ARHGAP6: variants seen among roughly 807,000 people sequenced by gnomAD.
ARHGAP6 encodes Rho GTPase activating protein 6, also known as rho GTPase-activating protein 6.
A neutral mutation model predicts 55.7 loss-of-function variants in ARHGAP6; 16 were observed. The ratio of observed to expected loss-of-function variants is 0.29; its 90% confidence interval spans 0.19 to 0.44. The LOEUF is 0.44. ARHGAP6 is among the 20% of genes least tolerant of loss of function. The pLI, the probability that ARHGAP6 is intolerant of heterozygous loss-of-function variation, is 1.00. For missense variants in ARHGAP6, 698 were observed against 808.9 expected, an observed-to-expected ratio of 0.86 and a Z score of 1.66; for synonymous variants, 382 against 360.9, an observed-to-expected ratio of 1.06 and a Z score of -0.66.
chrX:11,300,827 G>A (rs1334777303), intron 1 of ARHGAP6: 2 of 373,555 alleles, frequency 5.4e-6, no homozygotes, highest in Non-Finnish European at 9.5e-6. Flanking sequence ...TTATGAATGA[G>A]TATTCTTGAA....
intron 1 of ARHGAP6, among the ~76,000 whole-genome samples, chrX:11,548,006 G>A (rs764583757): frequency 3.6e-5 from 4 of 110,393 alleles, no homozygotes; most frequent in Non-Finnish European, 7.6e-5. Context: ...ACTCTGGGCT[G>A]CATGCTAGAG....
At chrX:11,431,030 C>A (rs1019792665) in intron 1 of ARHGAP6, among the ~76,000 whole-genome samples, 7 of 112,292 alleles carry the variant, frequency 6.2e-5, no homozygotes, top group Non-Finnish European at 1.3e-4. Flanking sequence ...ACATTTGATC[C>A]TTTGGGGTAA....
chrX:11,420,414 A>C (rs894284367), intron 1 of ARHGAP6, among the ~76,000 whole-genome samples: 1 of 111,904 alleles, frequency 8.9e-6, no homozygotes, highest in African/African-American at 3.2e-5. Context: ...TCAGTCCAAA[A>C]TGTGGCAAGC....
chrX:11,464,912 C>A (rs1404337263), intron 1 of ARHGAP6, among the ~76,000 whole-genome samples: 1 of 112,142 alleles, frequency 8.9e-6, no homozygotes, highest in Non-Finnish European at 1.9e-5. Context: ...CTATCCACGG[C>A]AAAGTCAGAA....
intron 1 of ARHGAP6, among the ~76,000 whole-genome samples, chrX:11,375,860 G>T (rs1381853491): frequency 8.9e-6 from 1 of 111,736 alleles, no homozygotes; most frequent in Non-Finnish European, 1.9e-5. Flanking sequence ...GAGACCAAGA[G>T]GGCTCAAAGG....
chrX:11,516,502 G>A (rs2050842180), intron 1 of ARHGAP6, among the ~76,000 whole-genome samples: 1 of 111,777 alleles, frequency 8.9e-6, no homozygotes, highest in Non-Finnish European at 1.9e-5. Flanking sequence ...ATCTCACCAA[G>A]TATGTATGCA....
In ARHGAP6 at chrX:11,520,131, TTATATATATATATATATATATATATA is replaced by T. The variant is rs1160731443; in HGVS notation, c.588+144084_588+144109del. Among the ~76,000 whole-genome samples, 179 of 18,261 alleles carry T rather than the reference TTATATATATATATATATATATATATA, an allele frequency of 9.8e-3. 6 individuals are homozygous for T. Among genetic ancestry groups the T allele is most frequent in the South Asian group, 0.063 (15 of 238 alleles). 15.9% of individuals were successfully genotyped at this position (18,261 alleles called of 115,157 possible). A position where few individuals can be genotyped will look rare whatever the true frequency, so the allele number is the denominator to read the frequency against. On this transcript the variant is annotated intron_variant, in intron 1 of 12. Coordinates refer to ENST00000337414, the MANE Select transcript of ARHGAP6 (RefSeq NM_013427.3). ...TTCTTTAACAGTTAGAGAATTGATT[TTATATATATATATATATATATATATA>T]TATATATATATATATATATATTACT...
Position 11,186,408 on chromosome X carries a change from G to A in ARHGAP6, c.1101C>T (p.Ile367=). Residue 367 remains isoleucine (I), a synonymous_variant, in exon 5 of 13, where the codon ATC becomes ATT. Transcript: ENST00000337414. ...RRRGAMSVDS[I]TDLDDNQSRL... ...GAGACTGATTGTCATCAAGATCGGT[G>A]ATAGAATCCACTGACATGGCACCCT... The A allele has an allele frequency of 8.3e-7, 1 of 1,210,737 alleles. No homozygotes were observed. Among genetic ancestry groups the A allele is most frequent in the Non-Finnish European group, 1.1e-6 (1 of 894,929 alleles).
intron 1 of ARHGAP6, among the ~76,000 whole-genome samples, chrX:11,510,970 C>CT (rs2050780036): frequency 8.9e-6 from 1 of 111,837 alleles, no homozygotes; most frequent in Non-Finnish European, 1.9e-5. Flanking sequence ...ACCTGCAAAC[C>CT]TGAAAATATT....
At chrX:11,265,191 G>A (rs911357447) in intron 1 of ARHGAP6, among the ~76,000 whole-genome samples, 1 of 112,138 alleles carries the variant, frequency 8.9e-6, no homozygotes, top group African/African-American at 3.2e-5. Flanking sequence ...AAGCCAGACA[G>A]TGTTTAAAAA....
intron 3 of ARHGAP6, among the ~76,000 whole-genome samples, chrX:11,194,112 C>G (rs1157710101): frequency 2.7e-5 from 3 of 112,467 alleles, no homozygotes; most frequent in Non-Finnish European, 5.6e-5. Context: ...GAAAATTGCT[C>G]TAATCTGGAG....
At chrX:11,460,307 G>T (rs1177248558) in intron 1 of ARHGAP6, among the ~76,000 whole-genome samples, 2 of 111,397 alleles carry the variant, frequency 1.8e-5, no homozygotes, top group Non-Finnish European at 1.9e-5. Flanking sequence ...CAAGAAAAGG[G>T]TATCTTATTT....
chrX:11,593,189 G>T (rs1394026658), intron 1 of ARHGAP6, among the ~76,000 whole-genome samples: 2 of 111,962 alleles, frequency 1.8e-5, no homozygotes, highest in Non-Finnish European at 3.8e-5. Flanking sequence ...GTGTTTATTT[G>T]TCCCCTAATC....
At chrX:11,266,003 G>A in intron 1 of ARHGAP6, 1 of 880,053 alleles carries the variant, frequency 1.1e-6, no homozygotes, top group Non-Finnish European at 1.4e-6. Flanking sequence ...GCACAAATGA[G>A]TGAGTGCGTG....
At chrX:11,207,891 G>A (rs1459910954) in intron 2 of ARHGAP6, among the ~76,000 whole-genome samples, 1 of 111,687 alleles carries the variant, frequency 9.0e-6, no homozygotes, top group African/African-American at 3.3e-5. Context: ...GGAGAGAAGT[G>A]CATATGTTGT....
chrX:11,364,947 A>G (rs1455168080), intron 1 of ARHGAP6, among the ~76,000 whole-genome samples: 7 of 110,881 alleles, frequency 6.3e-5, no homozygotes, highest in Non-Finnish European at 9.4e-5. Flanking sequence ...ACTTAGTCAC[A>G]TGATGACAGT....
intron 1 of ARHGAP6, among the ~76,000 whole-genome samples, chrX:11,605,318 A>G (rs895142466): frequency 9.0e-6 from 1 of 111,574 alleles, no homozygotes; most frequent in Non-Finnish European, 1.9e-5. Flanking sequence ...TCACTTCTAC[A>G]TGGAACCCAG....
At chrX:11,466,595 C>G (rs1331753763) in intron 1 of ARHGAP6, among the ~76,000 whole-genome samples, 1 of 111,560 alleles carries the variant, frequency 9.0e-6, no homozygotes, top group Non-Finnish European at 1.9e-5. Context: ...ACCCCAAACT[C>G]CTGGACTCAA....
At chrX:11,349,135 A>G (rs768289976) in intron 1 of ARHGAP6, among the ~76,000 whole-genome samples, 1 of 109,794 alleles carries the variant, frequency 9.1e-6, no homozygotes, top group South Asian at 4.0e-4. Context: ...GAGTTAGGAT[A>G]AGCATTTTAC....
Sources: gnomAD v4.1 joint callset for allele counts (sites outside exome capture counted in the v4.1 genomes callset) on GRCh38, gnomAD v4.1.1 for gene constraint, MANE v1.5 for transcripts, NCBI Gene and HGNC (gene_info 2026-07-23, HGNC 2026-07-21) for gene names.